NOD2: variants seen among roughly 807,000 people sequenced by gnomAD.
The protein encoded by NOD2 is nucleotide binding oligomerization domain containing 2, also known as nucleotide-binding oligomerization domain-containing protein 2.
A neutral mutation model predicts 90.9 loss-of-function variants in NOD2; 86 were observed. The observed-to-expected ratio is 0.95, with a 90% CI of 0.79 to 1.13. The LOEUF is 1.13. NOD2 is among the 50% of genes most tolerant of loss of function. The pLI is 0.00. For synonymous variants in NOD2, 581 were observed against 554.6 expected (o/e 1.05, Z -0.67); for missense variants, 1,238 against 1,283.8 (o/e 0.96, Z 0.55).
At chr16:50,701,309 T>C (rs1014930144) in intron 2 of NOD2, among the ~76,000 whole-genome samples, 1 of 152,262 alleles carries the variant, frequency 6.6e-6, no homozygotes, top group African/African-American at 2.4e-5. Flanking sequence ...TGAATTAGAA[T>C]GACACTGCAG....
chr16:50,730,241 G>A (rs1965408328), intron 11 of NOD2, among the ~76,000 whole-genome samples: 1 of 152,214 alleles, frequency 6.6e-6, no homozygotes, highest in African/African-American at 2.4e-5. Context: ...CACAGGTCAA[G>A]GATATTGGAT....
intron 4 of NOD2, among the ~76,000 whole-genome samples, chr16:50,714,694 G>T (rs2150820070): frequency 6.6e-6 from 1 of 151,468 alleles, no homozygotes; most frequent in South Asian, 2.1e-4. Context: ...AAGGGGGAGG[G>T]CACAGGCTCC....
At chr16:50,713,477 T>C (rs1461969321) in intron 4 of NOD2, 2 of 152,280 alleles carry the variant, frequency 1.3e-5, no homozygotes, top group African/African-American at 4.8e-5. Context: ...TAAAGCATAA[T>C]AACAACATAA....
rs377273524 is a variant in NOD2 at position 50,707,757 on chromosome 16, G to A, written c.460-98G>A. 36 of 860,236 alleles carry A rather than the reference G, an allele frequency of 4.2e-5. No individual in the cohort carries two copies. In the African/African-American group the frequency reaches 4.6e-4, roughly 11 times the overall value. The allele number at this position is 860,236 out of a possible 1,614,324, so 53.3% of individuals were successfully genotyped here. A position where few individuals can be genotyped will look rare whatever the true frequency, so the allele number is the denominator to read the frequency against. ...GTTTTTTTGACCTTTTATTCTGGAT[G>A]GAAGAGAGATGCTTATGAAGTTGCA... On this transcript the variant is annotated intron_variant, in intron 2 of 11. Coordinates refer to ENST00000647318, the MANE Select transcript of NOD2 (RefSeq NM_001370466.1).
In NOD2 at chr16:50,712,034, G is replaced by A. The variant is rs35285618; in HGVS notation, c.2042G>A (p.Arg681His). Residue 681 changes from arginine (R) to histidine (H), a missense_variant, in exon 4 of 12, where the codon CGC becomes CAC. Transcript: ENST00000647318. ...CTGCTCCGGCGCCAGGCCTGTGCCC[G>A]CTGGTGTCTGGCCCGCAGCCTCCGC... is the stretch of plus-strand genomic sequence containing the variant. ...KALLRRQACA[R>H]WCLARSLRKH... The A allele has an allele frequency of 1.2e-3, 1,999 of 1,613,072 alleles. 17 individuals carry two copies. The African/African-American group carries it at 0.021, about 17-fold the overall frequency.
rs2150801463 is a variant in NOD2 at position 50,707,967 on chromosome 16, G to A, written c.565+7G>A. The stretch of plus-strand genomic sequence containing the variant: ...TTGGCCCTGCCTTTGGAAGGTAGGT[G>A]TATGTTCTCAGTTAATCAGAAAGGG... On this transcript the variant is annotated splice_region_variant and intron_variant, in intron 3 of 11. Transcript: ENST00000647318. 2 of 1,585,302 alleles carry A rather than the reference G, an allele frequency of 1.3e-6. No homozygotes were observed. The highest frequency in any genetic ancestry group is 1.7e-6 in the Non-Finnish European group (2 of 1,153,752).
intron 2 of NOD2, among the ~76,000 whole-genome samples, 170 bp downstream of exon 2, chr16:50,700,124 A>G (rs555989761): frequency 6.6e-6 from 1 of 152,228 alleles, no homozygotes; most frequent in African/African-American, 2.4e-5. Context: ...CAGGAAACGT[A>G]CAACTCTTTC....
chr16:50,709,992 G>A (rs1964385709), intron 3 of NOD2: 1 of 455,906 alleles, frequency 2.2e-6, no homozygotes, highest in African/African-American at 2.0e-5. Context: ...CCAAGTGTAT[G>A]GTGGACCCAG....
chr16:50,731,752 G>T lies in NOD2; in HGVS notation c.2975G>T (p.Arg992Leu), dbSNP rs5743295. The change falls in exon 12 of 12, where the codon CGA (arginine) becomes CTA (leucine). Residue 992 changes from arginine to leucine, a missense_variant. Physicochemically the swap from Arg to Leu is moderately radical, Grantham distance 102. Transcript: ENST00000647318. ...RNDTILEVWL[R>L]GNTFSLEEVD... ...GTTCACTTGATCTGCTTTAGGCTCC[G>T]AGGGAACACTTTCTCTCTAGAGGAG... is the stretch of plus-strand genomic sequence containing the variant. 75 of 1,612,514 alleles carry T rather than the reference G, an allele frequency of 4.7e-5. No individual in the cohort carries two copies. Among genetic ancestry groups the T allele is most frequent in the Middle Eastern group, 3.3e-4 (2 of 6,076 alleles).
chr16:50,726,899 G>C (rs1161928523), intron 10 of NOD2, among the ~76,000 whole-genome samples: 1 of 152,178 alleles, frequency 6.6e-6, no homozygotes, highest in Non-Finnish European at 1.5e-5. Flanking sequence ...CCAGCACTTT[G>C]GGAGGCTGAG....
intron 3 of NOD2, among the ~76,000 whole-genome samples, chr16:50,709,737 C>T (rs1465013138): frequency 3.3e-5 from 5 of 152,106 alleles, no homozygotes; most frequent in East Asian, 1.9e-4. Flanking sequence ...CCTTTTGCCA[C>T]GTAAGGTAAC....
chr16:50,699,829 C>T lies in NOD2; in HGVS notation c.334C>T (p.Pro112Ser), dbSNP rs749841667. The change falls in exon 2 of 12, where the codon CCA becomes TCA. Residue 112 changes from proline to serine, a missense_variant. By Grantham distance (74) the Pro-to-Ser change is moderately conservative. This residue lies in a region of NOD2 where 567 missense variants were observed against 577.3 expected (regional missense o/e 0.98). Coordinates refer to ENST00000647318, the MANE Select transcript of NOD2 (RefSeq NM_001370466.1). ...HPARDLQSHRPAIVRRLHSHV... is the reference protein window; with the variant it reads ...HPARDLQSHRSAIVRRLHSHV... ...AGCCCGAGACCTGCAGAGTCACCGG[C>T]CAGCCATTGTCAGGAGGCTCCACAG... 13 of 1,613,478 alleles carry T rather than the reference C, an allele frequency of 8.1e-6. No individual in the cohort carries two copies. The highest frequency in any genetic ancestry group is 1.6e-4 in the Middle Eastern group (1 of 6,082).
chr16:50,711,451 T>C lies in NOD2; in HGVS notation c.1459T>C (p.Tyr487His), dbSNP rs540122692. The stretch of plus-strand genomic sequence containing the variant: ...GTCCCCAAAGACCACTACAGATATG[T>C]ACCTGCTGATTCTGCAGCATTTTCT... ...GGSPKTTTDM[Y>H]LLILQHFLLH... The change falls in exon 4 of 12, where the codon TAC becomes CAC. Residue 487 changes from tyrosine to histidine, a missense_variant. By Grantham distance (83) the Tyr-to-His change is moderately conservative. Coordinates refer to ENST00000647318, the MANE Select transcript of NOD2 (RefSeq NM_001370466.1). The C allele has an allele frequency of 1.9e-5, 31 of 1,613,518 alleles. No homozygotes were observed. In the South Asian group the frequency reaches 3.1e-4, roughly 16 times the overall value.
intron 1 of NOD2, chr16:50,697,409 G>A: frequency 8.4e-7 from 1 of 1,186,494 alleles, no homozygotes; most frequent in South Asian, 1.3e-5. Flanking sequence ...GGTCAGATGG[G>A]GAGTGCTGAC....
intron 8 of NOD2, 94 bp from the exon 9 acceptor site, chr16:50,723,207 C>A: frequency 2.2e-6 from 2 of 923,448 alleles, no homozygotes; most frequent in Non-Finnish European, 3.5e-6. Context: ...TGGAGCAGAC[C>A]AGGAGAGCAC....
chr16:50,705,433 G>A (rs1964144196), intron 2 of NOD2, among the ~76,000 whole-genome samples: 1 of 152,076 alleles, frequency 6.6e-6, no homozygotes, highest in Admixed American at 6.6e-5. Flanking sequence ...TCTCAAGATT[G>A]ACAGGTAGGA....
rs1963835810 is a variant in NOD2 at position 50,699,660 on chromosome 16, C to T, written c.165C>T (p.Ser55=). 6.2e-7 allele frequency: 1 copy of T among 1,614,190 alleles called. No homozygotes were observed. Among genetic ancestry groups the T allele is most frequent in the Admixed American group, 1.7e-5 (1 of 60,030 alleles). The change falls in exon 2 of 12, where the codon TCC becomes TCT. Residue 55 remains serine (S), a synonymous_variant. Transcript: ENST00000647318. ...TCCACCTCCTGGGCCAGCCTCTCTC[C>T]CACTTGGCCAGGCGCCTTCTGGACA... ...EGFHLLGQPL[S]HLARRLLDTV... is the part of the protein sequence containing the mutation.
chr16:50,700,126 A>G (rs763564726), intron 2 of NOD2, among the ~76,000 whole-genome samples, 172 bp downstream of exon 2: 3 of 152,066 alleles, frequency 2.0e-5, no homozygotes, highest in African/African-American at 2.4e-5. Context: ...GGAAACGTAC[A>G]ACTCTTTCTT....
At chr16:50,715,371 A>G (rs1398086181) in intron 4 of NOD2, among the ~76,000 whole-genome samples, 1 of 151,584 alleles carries the variant, frequency 6.6e-6, no homozygotes, top group African/African-American at 2.4e-5. Flanking sequence ...GGGTGCTCAC[A>G]AGGCTTTATG....
Sources: allele counts gnomAD v4.1 joint callset (sites outside exome capture counted in the v4.1 genomes callset), GRCh38; gene constraint gnomAD v4.1.1; regional missense constraint gnomAD v4.1.1; transcripts MANE v1.5; gene names NCBI Gene and HGNC (gene_info 2026-07-23, HGNC 2026-07-21).